The following FNBP1L variants were observed in gnomAD, a reference collection of about 807,000 sequenced individuals.
FNBP1L encodes the protein formin-binding protein 1-like.
In FNBP1L, 36 loss-of-function variants were observed where a neutral mutation model predicts 91.2. The ratio of observed to expected loss-of-function variants is 0.39; its 90% CI spans 0.30 to 0.52. FNBP1L has a LOEUF of 0.52. Ranked by LOEUF, FNBP1L falls within the 20% of genes least tolerant of loss-of-function variation. The pLI, the probability that FNBP1L is intolerant of heterozygous loss-of-function variation, is 0.66. For missense variants in FNBP1L, 571 were observed against 732.1 expected (o/e 0.78, Z 2.54); for synonymous variants, 242 against 237.0 (o/e 1.02, Z -0.19).
At chr1:93,469,887 G>T (rs1669225742) in intron 1 of FNBP1L, among the ~76,000 whole-genome samples, 2 of 152,128 alleles carry the variant, frequency 1.3e-5, no homozygotes, top group South Asian at 4.1e-4. Flanking sequence ...TTGAGCCTGG[G>T]AATTCAAGGT....
At chr1:93,535,043 A>G (rs1420665548) in intron 9 of FNBP1L, 135 bp downstream of exon 9, 20 of 727,034 alleles carry the variant, frequency 2.8e-5, no homozygotes, top group Non-Finnish European at 4.0e-5. Context: ...TTAACCTTTC[A>G]CTTATATTAG....
intron 2 of FNBP1L, among the ~76,000 whole-genome samples, chr1:93,515,034 A>C (rs1671031605): frequency 6.6e-6 from 1 of 152,250 alleles, no homozygotes; most frequent in Non-Finnish European, 1.5e-5. Flanking sequence ...CAGAGGGCTA[A>C]TATGCAGAAT....
rs964973692 is a variant in FNBP1L at position 93,529,579 on chromosome 1, C to G, written c.406-73C>G. On this transcript the variant is annotated intron_variant, in intron 5 of 16. Coordinates refer to ENST00000271234, the MANE Select transcript of FNBP1L (RefSeq NM_001164473.3). ...TATGTTAGTTATTTCTCCTAATGCTCTCTAAAGTTATTTCTTAAATGAAGT... is the reference window on the plus strand; with the variant it reads ...TATGTTAGTTATTTCTCCTAATGCTGTCTAAAGTTATTTCTTAAATGAAGT... 1.5e-5 allele frequency: 14 copies of G among 931,322 alleles called. No individual in the cohort carries two copies. The African/African-American group carries it at 2.2e-4, about 15-fold the overall frequency. The allele number at this position is 931,322 out of a possible 1,614,324, so 57.7% of individuals were successfully genotyped here.
chr1:93,527,294 A>G (rs17110023), intron 5 of FNBP1L, among the ~76,000 whole-genome samples: 4,316 of 152,286 alleles, frequency 0.028, 209 homozygotes, highest in African/African-American at 0.098. Flanking sequence ...GCTAACTGCT[A>G]GGGAACTATG....
chr1:93,514,315 T>G (rs1670983969), intron 2 of FNBP1L, among the ~76,000 whole-genome samples: 1 of 151,770 alleles, frequency 6.6e-6, no homozygotes, highest in Non-Finnish European at 1.5e-5. Flanking sequence ...GTAGGAAGAA[T>G]CAATATCGTG....
chr1:93,506,047 C>T (rs1314931153), intron 2 of FNBP1L, among the ~76,000 whole-genome samples: 4 of 151,800 alleles, frequency 2.6e-5, no homozygotes, highest in African/African-American at 4.8e-5. Context: ...GATTCGTGGC[C>T]GAAAGTGATG....
In FNBP1L at chr1:93,547,425, A is replaced by G. The variant is rs372877567; in HGVS notation, c.1486A>G (p.Thr496Ala). The change falls in exon 14 of 17, where the codon ACA becomes GCA. Residue 496 changes from threonine to alanine, a missense_variant. Thr to Ala is a moderately conservative substitution (Grantham distance 58, BLOSUM62 0). Coordinates refer to ENST00000271234, the MANE Select transcript of FNBP1L (RefSeq NM_001164473.3). ...TAGCAGTGACATAAATCATCTTGTA[A>G]CACAGGGACGAGAAAGGTGATTTTT... ...RHSSDINHLV[T>A]QGRESPEGSY... The G allele has an allele frequency of 1.3e-6, 2 of 1,555,766 alleles. No homozygotes were observed. Among genetic ancestry groups the G allele is most frequent in the Non-Finnish European group, 8.7e-7 (1 of 1,148,940 alleles).
intron 1 of FNBP1L, among the ~76,000 whole-genome samples, chr1:93,460,681 G>A (rs1244621048): frequency 6.6e-6 from 1 of 152,192 alleles, no homozygotes; most frequent in African/African-American, 2.4e-5. Context: ...GCCAGGTACA[G>A]AAAGACAAAT....
intron 1 of FNBP1L, among the ~76,000 whole-genome samples, chr1:93,497,952 T>C (rs1490207209): frequency 6.9e-6 from 1 of 145,616 alleles, no homozygotes; most frequent in African/African-American, 2.4e-5. Flanking sequence ...TCAAAGGCTT[T>C]TGTTTGTCAA....
In FNBP1L at chr1:93,505,197, C is replaced by T. The variant is rs79437132; in HGVS notation, c.140+5614C>T. ...CGCGATCTTGGCTCACTGCAACTTC[C>T]GTCTCCTGGGTTCAAGCTGTTTGAA... On this transcript the variant is annotated intron_variant, in intron 2 of 16. Transcript: ENST00000271234. 3.3e-3 allele frequency among the ~76,000 whole-genome samples: 493 copies of T among 151,200 alleles called. 3 individuals are homozygous for T. Among genetic ancestry groups the T allele is most frequent in the Middle Eastern group, 0.01 (3 of 290 alleles).
At chr1:93,494,576 T>G (rs1670201425) in intron 1 of FNBP1L, among the ~76,000 whole-genome samples, 1 of 152,084 alleles carries the variant, frequency 6.6e-6, no homozygotes, top group African/African-American at 2.4e-5. Context: ...TAGCATAAAT[T>G]TAGGTATGAT....
intron 1 of FNBP1L, among the ~76,000 whole-genome samples, chr1:93,497,872 G>C (rs1182079435): frequency 6.6e-6 from 1 of 151,790 alleles, no homozygotes; most frequent in Admixed American, 6.6e-5. Context: ...CACCCACCTC[G>C]GCCTCTCAAA....
At chr1:93,515,943 T>C (rs1442908965) in intron 2 of FNBP1L, among the ~76,000 whole-genome samples, 1 of 152,044 alleles carries the variant, frequency 6.6e-6, no homozygotes. Context: ...TTTTAAAAAT[T>C]ACCATAATAA....
intron 2 of FNBP1L, among the ~76,000 whole-genome samples, chr1:93,505,648 G>A (rs997179396): frequency 2.6e-5 from 4 of 152,136 alleles, no homozygotes; most frequent in African/African-American, 9.7e-5. Context: ...TCCTTATTAC[G>A]GCTAGCAGAT....
chr1:93,494,821 G>A (rs1269524180), intron 1 of FNBP1L, among the ~76,000 whole-genome samples: 2 of 152,194 alleles, frequency 1.3e-5, no homozygotes, highest in Non-Finnish European at 2.9e-5. Context: ...CACAATCATG[G>A]CGGAAGACAA....
intron 2 of FNBP1L, among the ~76,000 whole-genome samples, chr1:93,503,134 A>G (rs966608780): frequency 5.9e-5 from 9 of 152,076 alleles, no homozygotes; most frequent in Admixed American, 5.2e-4. Context: ...CATACCTGAG[A>G]CTGGGTAATT....
chr1:93,533,603 A>G (rs1671754467), intron 8 of FNBP1L, among the ~76,000 whole-genome samples: 1 of 152,234 alleles, frequency 6.6e-6, no homozygotes, highest in African/African-American at 2.4e-5. Flanking sequence ...GTGATCAAAA[A>G]GCATGGTTGG....
intron 14 of FNBP1L, 35 bp downstream of exon 14, chr1:93,547,476 C>A: frequency 6.7e-7 from 1 of 1,501,682 alleles, no homozygotes; most frequent in Non-Finnish European, 9.1e-7. Flanking sequence ...TTTCTTCTCC[C>A]CAGAGTTTTC....
At chr1:93,492,722 G>A (rs901150735) in intron 1 of FNBP1L, among the ~76,000 whole-genome samples, 5 of 152,072 alleles carry the variant, frequency 3.3e-5, no homozygotes, top group South Asian at 4.1e-4. Flanking sequence ...CCAGGAGTTC[G>A]ACGCTGCAGT....
Sources: allele counts gnomAD v4.1 joint callset (sites outside exome capture counted in the v4.1 genomes callset), GRCh38; gene constraint gnomAD v4.1.1; transcripts MANE v1.5; gene names NCBI Gene and HGNC (gene_info 2026-07-23, HGNC 2026-07-21).